Variants in ZNF407 observed in about 807,000 individuals in gnomAD.
ZNF407 encodes the protein zinc finger protein 407.
A neutral mutation model predicts 131.2 loss-of-function variants in ZNF407; 17 were observed. The observed-to-expected ratio is 0.13, with a 90% CI of 0.09 to 0.19. ZNF407 has a LOEUF of 0.19. Among genes scored for constraint, ZNF407 ranks in the 10% least tolerant of loss-of-function variants. The pLI, the probability that ZNF407 is intolerant of heterozygous loss-of-function variation, is 1.00. For synonymous variants in ZNF407, 1,156 were observed against 1,062.0 expected, an observed-to-expected ratio of 1.09 and a Z score of -1.72; for missense variants, 2,681 against 2,830.6, an observed-to-expected ratio of 0.95 and a Z score of 1.20.
intron 8 of ZNF407, among the ~76,000 whole-genome samples, chr18:75,057,098 G>T (rs115517828): frequency 0.039 from 5,905 of 152,198 alleles, 187 homozygotes; most frequent in African/African-American, 0.085. Flanking sequence ...ATTACGACAA[G>T]GAACCATCCC....
intron 7 of ZNF407, among the ~76,000 whole-genome samples, chr18:74,916,341 A>AGTGT (rs369340222): frequency 1.7e-4 from 6 of 35,862 alleles, no homozygotes; most frequent in Admixed American, 3.4e-4. Context: ...TCGAATCGGG[A>AGTGT]GTGTGTGTGT....
In ZNF407 at chr18:74,749,739, A is replaced by G. The variant is rs76474480; in HGVS notation, c.4803-31689A>G. ...TATATGTGTCTGTGAACATTTTAGT[A>G]TACTGTTATTTTTGAAAGTACAACA... On this transcript the variant is annotated intron_variant, in intron 3 of 8. Coordinates refer to ENST00000299687, the MANE Select transcript of ZNF407 (RefSeq NM_017757.3). 8.2e-3 allele frequency among the ~76,000 whole-genome samples: 1,249 copies of G among 152,306 alleles called. 61 individuals are homozygous for G. In the East Asian group the frequency reaches 0.13, roughly 16 times the overall value.
At chr18:74,803,971 G>T (rs1157568064) in intron 4 of ZNF407, 1 of 1,551,682 alleles carries the variant, frequency 6.4e-7, no homozygotes, top group Non-Finnish European at 8.7e-7. Flanking sequence ...CAGAGTAAAG[G>T]TTGCATATCG....
chr18:74,816,114 ATTTG>A (rs1486221768), intron 4 of ZNF407, among the ~76,000 whole-genome samples: 3 of 152,172 alleles, frequency 2.0e-5, no homozygotes, highest in East Asian at 3.9e-4. Flanking sequence ...ACAATCATGA[ATTTG>A]TTTGTGTTCT....
At position 75,056,003 on chromosome 18, in the gene ZNF407, G is replaced by A. The variant is rs117552664; in HGVS notation, c.5429-7147G>A. Among the ~76,000 whole-genome samples the A allele has an allele frequency of 2.2e-3, 330 of 152,286 alleles. 8 individuals are homozygous for A. In the East Asian group the frequency reaches 0.05, roughly 23 times the overall value. ...CCATCTCTTCTTATAAAACAGCAGC[G>A]TCATGAAATGCGGGGCATGGCGAAG... On this transcript the variant is annotated intron_variant, in intron 8 of 8. Coordinates refer to ENST00000299687, the MANE Select transcript of ZNF407 (RefSeq NM_017757.3).
At chr18:75,028,193 G>T (rs537487725) in intron 8 of ZNF407, among the ~76,000 whole-genome samples, 1 of 152,216 alleles carries the variant, frequency 6.6e-6, no homozygotes, top group Non-Finnish European at 1.5e-5. Context: ...GAGGGCTGCC[G>T]TAACAAAGCA....
chr18:74,983,206 C>T (rs1049836895), intron 8 of ZNF407, among the ~76,000 whole-genome samples: 6 of 152,012 alleles, frequency 3.9e-5, no homozygotes, highest in African/African-American at 1.2e-4. Flanking sequence ...TTGAGTAGTA[C>T]CCGGCTTTTG....
chr18:75,005,894 A>G (rs899214040), intron 8 of ZNF407, among the ~76,000 whole-genome samples: 2 of 152,002 alleles, frequency 1.3e-5, no homozygotes, highest in Non-Finnish European at 2.9e-5. Context: ...AGACTTGGGA[A>G]TGTATGTTTG....
At chr18:74,725,603 A>T (rs1010974185) in intron 3 of ZNF407, among the ~76,000 whole-genome samples, 1 of 152,060 alleles carries the variant, frequency 6.6e-6, no homozygotes, top group Admixed American at 6.5e-5. Context: ...AATAGAGTCT[A>T]TTTTTATTTA....
At chr18:74,841,160 G>A (rs1177618327) in intron 4 of ZNF407, among the ~76,000 whole-genome samples, 2 of 152,168 alleles carry the variant, frequency 1.3e-5, no homozygotes, top group African/African-American at 4.8e-5. Flanking sequence ...TTCTCATGTA[G>A]TAATGAGCTG....
intron 4 of ZNF407, among the ~76,000 whole-genome samples, chr18:74,839,113 T>C (rs907153109): frequency 6.6e-6 from 1 of 152,230 alleles, no homozygotes; most frequent in Non-Finnish European, 1.5e-5. Flanking sequence ...TATACTTTCA[T>C]GTATCATGCT....
intron 8 of ZNF407, among the ~76,000 whole-genome samples, chr18:74,970,115 G>A (rs1972455612): frequency 6.6e-6 from 1 of 152,174 alleles, no homozygotes. Context: ...ACTTAATCAC[G>A]ATCATGAGAA....
intron 6 of ZNF407, among the ~76,000 whole-genome samples, chr18:74,886,919 G>C (rs1461623474): frequency 6.6e-6 from 1 of 152,190 alleles, no homozygotes; most frequent in African/African-American, 2.4e-5. Context: ...CATACGGCCA[G>C]TCTAGACAGA....
At chr18:74,986,961 T>C (rs1391965770) in intron 8 of ZNF407, among the ~76,000 whole-genome samples, 1 of 152,244 alleles carries the variant, frequency 6.6e-6, no homozygotes, top group Non-Finnish European at 1.5e-5. Flanking sequence ...TAGGATATTG[T>C]GTCTAGTATT....
At chr18:74,676,726 G>T (rs933320371) in intron 3 of ZNF407, among the ~76,000 whole-genome samples, 2 of 152,154 alleles carry the variant, frequency 1.3e-5, no homozygotes, top group Admixed American at 1.3e-4. Flanking sequence ...GAGCCACTGT[G>T]CCCGGCCAGT....
At position 75,063,634 on chromosome 18, in the gene ZNF407, G is replaced by C; in HGVS notation, c.5913G>C (p.Glu1971Asp). 2 of 1,594,120 alleles carry C rather than the reference G, an allele frequency of 1.3e-6. No individual in the cohort carries two copies. Among genetic ancestry groups the C allele is most frequent in the Non-Finnish European group, 1.7e-6 (2 of 1,171,516 alleles). ...GAVIQQVTKQ[E>D]ILNLSEAGVA... The stretch of plus-strand genomic sequence containing the variant: ...TGATACAACAGGTGACCAAGCAGGA[G>C]ATTTTAAACCTCTCGGAGGCTGGAG... Residue 1971 changes from glutamate to aspartate, a missense_variant, in exon 9 of 9, where the codon GAG (glutamate) becomes GAC (aspartate). Transcript: ENST00000299687. This position sits in a 1 kb window ranked among gnomAD's most constrained non-coding sequence, Gnocchi z 6.6.
At chr18:74,892,711 T>C (rs1568258080) in intron 7 of ZNF407, among the ~76,000 whole-genome samples, 1 of 152,224 alleles carries the variant, frequency 6.6e-6, no homozygotes, top group Non-Finnish European at 1.5e-5. Context: ...TTGCTGAGAA[T>C]ACAGCTTCAA....
chr18:74,806,811 CTGAG>C (rs1244103468), intron 4 of ZNF407, among the ~76,000 whole-genome samples: 2 of 152,156 alleles, frequency 1.3e-5, no homozygotes, highest in Admixed American at 6.5e-5. Flanking sequence ...TAGAGTGAGA[CTGAG>C]TAAGTGTCCC....
At chr18:75,054,961 C>T (rs1568313279) in intron 8 of ZNF407, among the ~76,000 whole-genome samples, 1 of 152,138 alleles carries the variant, frequency 6.6e-6, no homozygotes, top group Non-Finnish European at 1.5e-5. Flanking sequence ...ACACACGTGT[C>T]GGCACACAGG....
Sources: allele counts gnomAD v4.1 joint callset (sites outside exome capture counted in the v4.1 genomes callset), GRCh38; gene constraint gnomAD v4.1.1; non-coding constraint Gnocchi (gnomAD v3.1); transcripts MANE v1.5; gene names NCBI Gene and HGNC (gene_info 2026-07-23, HGNC 2026-07-21).